SPAG16: variants seen among roughly 807,000 people sequenced by gnomAD.
The protein encoded by SPAG16 is sperm associated antigen 16, also known as sperm-associated antigen 16 protein.
In SPAG16, 86 loss-of-function variants were observed where a neutral mutation model predicts 80.4. That is an observed-to-expected ratio of 1.07 (90% CI 0.90 to 1.28). The LOEUF (loss-of-function observed/expected upper bound fraction) is 1.28, where lower values mean the gene tolerates loss of function less well. Among genes scored for constraint, SPAG16 ranks in the 50% most tolerant of loss-of-function variants. The pLI is 0.00. For missense variants in SPAG16, 870 were observed against 765.3 expected (o/e 1.14, Z -1.61); for synonymous variants, 294 against 265.9 (o/e 1.11, Z -1.03).
chr2:213,448,231 C>A (rs1207064395), intron 9 of SPAG16, among the ~76,000 whole-genome samples: 2 of 152,244 alleles, frequency 1.3e-5, no homozygotes, highest in Non-Finnish European at 2.9e-5. Context: ...CTTCTGATTT[C>A]TCTATCACAC....
intron 9 of SPAG16, among the ~76,000 whole-genome samples, chr2:213,406,123 C>G (rs764766683): frequency 7.2e-5 from 11 of 152,164 alleles, no homozygotes; most frequent in Non-Finnish European, 1.2e-4. Flanking sequence ...TTTTCTCACC[C>G]TTTTCAATAG....
chr2:213,441,444 A>T lies in SPAG16; in HGVS notation c.943-48519A>T, dbSNP rs941914879. 3.3e-5 allele frequency among the ~76,000 whole-genome samples: 5 copies of T among 152,328 alleles called. No homozygotes were observed. The East Asian group carries it at 7.7e-4, about 23-fold the overall frequency. On this transcript the variant is annotated intron_variant, in intron 9 of 15. Transcript: ENST00000331683. Reference sequence around the variant, plus strand: ...ATTTCAAAAATGGAAAACAAAATCTATGGTTTCGTATTTAGGATTCCCAAA... The same window carrying T: ...ATTTCAAAAATGGAAAACAAAATCTTTGGTTTCGTATTTAGGATTCCCAAA...
intron 9 of SPAG16, among the ~76,000 whole-genome samples, chr2:213,419,148 C>G (rs2069442567): frequency 6.6e-6 from 1 of 152,016 alleles, no homozygotes; most frequent in African/African-American, 2.4e-5. Context: ...AGAAGCTTAC[C>G]TGTTTTTTTC....
intron 13 of SPAG16, among the ~76,000 whole-genome samples, chr2:214,064,119 C>T (rs768927950): frequency 2.6e-5 from 4 of 151,862 alleles, no homozygotes; most frequent in Admixed American, 6.6e-5. Context: ...AACATATATC[C>T]TTTTATTATT....
chr2:214,369,982 A>C (rs1361588481), intron 15 of SPAG16, among the ~76,000 whole-genome samples: 2 of 151,706 alleles, frequency 1.3e-5, no homozygotes, highest in African/African-American at 2.4e-5. Flanking sequence ...AATGTTGAAA[A>C]CTCTTTTTTC....
chr2:214,107,653 G>A (rs947535146), intron 13 of SPAG16, among the ~76,000 whole-genome samples: 2 of 152,174 alleles, frequency 1.3e-5, no homozygotes, highest in South Asian at 4.1e-4. Flanking sequence ...TGTGAAGTTT[G>A]GTTCTCACAA....
chr2:213,435,077 GAATA>G (rs1201409563), intron 9 of SPAG16, among the ~76,000 whole-genome samples: 1 of 152,090 alleles, frequency 6.6e-6, no homozygotes, highest in East Asian at 1.9e-4. Flanking sequence ...CATCAGTGAT[GAATA>G]AATAAAGAAA....
chr2:213,419,565 G>A (rs1336593080), intron 9 of SPAG16, among the ~76,000 whole-genome samples: 2 of 151,992 alleles, frequency 1.3e-5, no homozygotes, highest in African/African-American at 2.4e-5. Flanking sequence ...TGTCTGGCAG[G>A]CATTCAAGAT....
intron 9 of SPAG16, among the ~76,000 whole-genome samples, chr2:213,470,269 C>T (rs1162841426): frequency 2.0e-5 from 3 of 152,148 alleles, no homozygotes; most frequent in African/African-American, 7.2e-5. Context: ...ATGATAAGAC[C>T]AGTGAATTCC....
intron 15 of SPAG16, among the ~76,000 whole-genome samples, chr2:214,309,826 C>T (rs1695160770): frequency 6.6e-6 from 1 of 152,096 alleles, no homozygotes; most frequent in Non-Finnish European, 1.5e-5. Flanking sequence ...TACAGGGGTT[C>T]CTACCTCCCT....
At chr2:214,277,275 G>C (rs1039274224) in intron 15 of SPAG16, among the ~76,000 whole-genome samples, 2 of 152,078 alleles carry the variant, frequency 1.3e-5, no homozygotes, top group Non-Finnish European at 2.9e-5. Context: ...CCGACCTTCT[G>C]AAGCCTAGTT....
At chr2:214,164,915 T>C (rs1264569161) in intron 15 of SPAG16, among the ~76,000 whole-genome samples, 15 of 152,094 alleles carry the variant, frequency 9.9e-5, no homozygotes. Context: ...TAATATCATG[T>C]AATGAAAAAT....
chr2:213,483,456 C>G (rs374795559), intron 9 of SPAG16, among the ~76,000 whole-genome samples: 1 of 152,108 alleles, frequency 6.6e-6, no homozygotes, highest in Non-Finnish European at 1.5e-5. Context: ...ATATATTGAA[C>G]CTGTTATATT....
chr2:213,736,610 G>A (rs971107551), intron 10 of SPAG16, among the ~76,000 whole-genome samples: 10 of 151,862 alleles, frequency 6.6e-5, no homozygotes, highest in African/African-American at 2.4e-4. Context: ...TTTCACAGGG[G>A]TAATAAAAAT....
At chr2:213,937,138 G>A (rs1277834629) in intron 12 of SPAG16, among the ~76,000 whole-genome samples, 1 of 151,980 alleles carries the variant, frequency 6.6e-6, no homozygotes, top group Non-Finnish European at 1.5e-5. Flanking sequence ...TAATACAATG[G>A]AGTTTAGTAT....
At chr2:213,557,819 T>C (rs2059476699) in intron 10 of SPAG16, among the ~76,000 whole-genome samples, 1 of 152,204 alleles carries the variant, frequency 6.6e-6, no homozygotes. Flanking sequence ...ACTTGTTTAA[T>C]CCTATCAAAT....
chr2:213,444,745 A>C (rs906802482), intron 9 of SPAG16, among the ~76,000 whole-genome samples: 2 of 152,152 alleles, frequency 1.3e-5, no homozygotes, highest in Non-Finnish European at 2.9e-5. Flanking sequence ...AAAATTCTAA[A>C]ATTTATATGA....
At chr2:214,238,665 A>G (rs1239769467) in intron 15 of SPAG16, 2 of 150,080 alleles carry the variant, frequency 1.3e-5, no homozygotes, top group East Asian at 3.9e-4. Flanking sequence ...TAGATCACTT[A>G]CATAGTTTAG....
At chr2:213,821,278 A>C (rs1348947816) in intron 10 of SPAG16, among the ~76,000 whole-genome samples, 1 of 152,108 alleles carries the variant, frequency 6.6e-6, no homozygotes, top group Non-Finnish European at 1.5e-5. Flanking sequence ...ATAGCCTCTA[A>C]TTCTTCTGGC....
Sources: allele counts gnomAD v4.1 joint callset (sites outside exome capture counted in the v4.1 genomes callset), GRCh38; gene constraint gnomAD v4.1.1; transcripts MANE v1.5; gene names NCBI Gene and HGNC (gene_info 2026-07-23, HGNC 2026-07-21).